Variants in SCML2 observed in about 807,000 individuals in gnomAD.
The protein encoded by SCML2 is sex comb on midleg-like protein 2.
SCML2 carries 6 observed loss-of-function variants against 48.4 expected under a neutral mutation model. The observed-to-expected ratio is 0.12, with a 90% CI of 0.07 to 0.24. SCML2 has a LOEUF of 0.24. SCML2 is among the 10% of genes least tolerant of loss of function. The pLI is 1.00. For synonymous variants in SCML2, 181 were observed against 189.5 expected (o/e 0.95, Z 0.37); for missense variants, 377 against 528.2 (o/e 0.71, Z 2.81).
intron 7 of SCML2, among the ~76,000 whole-genome samples, chrX:18,266,882 C>G (rs1226473922): frequency 8.9e-6 from 1 of 112,277 alleles, no homozygotes; most frequent in East Asian, 2.8e-4. Flanking sequence ...AGGACCACTT[C>G]ACTGCCAACA....
intron 6 of SCML2, among the ~76,000 whole-genome samples, chrX:18,311,791 G>GTTTTGTTTTTGT (rs111243177): frequency 4.5e-5 from 5 of 110,551 alleles, no homozygotes; most frequent in Non-Finnish European, 9.5e-5. Context: ...TTTTTTGTTT[G>GTTTTGTTTTTGT]TTTTGTTTTT....
At chrX:18,241,705 G>C (rs1402381312) in intron 14 of SCML2, among the ~76,000 whole-genome samples, 1 of 111,826 alleles carries the variant, frequency 8.9e-6, no homozygotes, top group Non-Finnish European at 1.9e-5. Context: ...TGGTAGAAAT[G>C]AATTTCAGAT....
intron 7 of SCML2, among the ~76,000 whole-genome samples, chrX:18,275,945 G>A (rs1182871414): frequency 1.8e-5 from 2 of 112,359 alleles, no homozygotes; most frequent in Admixed American, 9.4e-5. Flanking sequence ...CAAGGATGTG[G>A]AGAAATCAGG....
chrX:18,316,346 G>A (rs1929121278), intron 6 of SCML2, among the ~76,000 whole-genome samples: 1 of 111,828 alleles, frequency 8.9e-6, no homozygotes, highest in Non-Finnish European at 1.9e-5. Flanking sequence ...CTGAGGTCAC[G>A]CCACTGCACT....
intron 7 of SCML2, among the ~76,000 whole-genome samples, chrX:18,277,028 A>G (rs1056432852): frequency 1.8e-5 from 2 of 111,303 alleles, no homozygotes; most frequent in Non-Finnish European, 3.8e-5. Flanking sequence ...AAAAACAAAC[A>G]AAAAAACCAA....
At chrX:18,319,657 G>A (rs1380710966) in intron 6 of SCML2, among the ~76,000 whole-genome samples, 3 of 107,574 alleles carry the variant, frequency 2.8e-5, no homozygotes, top group Admixed American at 1.0e-4. Flanking sequence ...TCTAGCCTCC[G>A]CAACTGTGAG....
At chrX:18,265,512 C>T in intron 8 of SCML2, 73 bp downstream of exon 8, 1 of 828,807 alleles carries the variant, frequency 1.2e-6, no homozygotes, top group Non-Finnish European at 1.7e-6. Context: ...TTAGTAAATT[C>T]CTAAATTGTA....
intron 3 of SCML2, 78 bp downstream of exon 3, chrX:18,330,509 A>T (rs1929620577): frequency 1.8e-6 from 1 of 560,732 alleles, no homozygotes; most frequent in Non-Finnish European, 2.8e-6. Flanking sequence ...CAAAACAATA[A>T]GAAAATTTGC....
chrX:18,262,175 G>C (rs2147477895), intron 8 of SCML2, among the ~76,000 whole-genome samples: 1 of 107,940 alleles, frequency 9.3e-6, no homozygotes, highest in East Asian at 2.8e-4. Context: ...CAAGAGATCT[G>C]AAAAGATTCT....
intron 11 of SCML2, among the ~76,000 whole-genome samples, chrX:18,255,165 C>A: frequency 8.9e-6 from 1 of 111,888 alleles, no homozygotes; most frequent in African/African-American, 3.2e-5. Flanking sequence ...TCTTCCTCTT[C>A]CCCCTAGTTC....
intron 2 of SCML2, among the ~76,000 whole-genome samples, chrX:18,332,202 A>G (rs182737896): frequency 1.0e-3 from 113 of 112,781 alleles, no homozygotes; most frequent in Non-Finnish European, 1.9e-3. Flanking sequence ...GATCACATAG[A>G]GAAATCACAA....
chrX:18,247,532 T>C (rs769587488), intron 12 of SCML2, among the ~76,000 whole-genome samples: 14 of 112,070 alleles, frequency 1.2e-4, no homozygotes, highest in Non-Finnish European at 2.4e-4. Flanking sequence ...TTTTTAGCAA[T>C]ACAAAAGTGA....
intron 7 of SCML2, among the ~76,000 whole-genome samples, chrX:18,274,756 CT>C (rs1927573435): frequency 9.0e-6 from 1 of 111,659 alleles, no homozygotes; most frequent in African/African-American, 3.3e-5. Context: ...GGACTTCCCC[CT>C]AGGATAGGGC....
intron 7 of SCML2, among the ~76,000 whole-genome samples, chrX:18,298,185 C>T (rs1928459380): frequency 8.9e-6 from 1 of 111,775 alleles, no homozygotes; most frequent in African/African-American, 3.3e-5. Context: ...TTAAAATGAA[C>T]ACACTACCCA....
intron 13 of SCML2, among the ~76,000 whole-genome samples, chrX:18,246,015 A>G (rs915855690): frequency 5.3e-5 from 6 of 112,523 alleles, no homozygotes; most frequent in African/African-American, 1.9e-4. Context: ...CTAGGATTAC[A>G]GGTGTGAGCC....
At position 18,334,129 on chromosome X, in the gene SCML2, T is replaced by C. The variant is rs750694064; in HGVS notation, c.-24-34A>G. Reference sequence around the variant, plus strand: ...AGAAAAACCAATTAATGCCTCCTTTTAGCATATTAGATTTCTGAAGGATAA... The same window carrying C: ...AGAAAAACCAATTAATGCCTCCTTTCAGCATATTAGATTTCTGAAGGATAA... On this transcript the variant is annotated intron_variant, in intron 1 of 14. Coordinates refer to ENST00000251900, the MANE Select transcript of SCML2 (RefSeq NM_006089.3). The C allele has an allele frequency of 6.1e-6, 6 of 982,882 alleles. No homozygotes were observed. The East Asian group carries it at 9.4e-5, about 15-fold the overall frequency. The allele number at this position is 982,882 out of a possible 1,213,427, so 81.0% of individuals were successfully genotyped here.
At chrX:18,340,905 T>C (rs1465075624) in intron 1 of SCML2, among the ~76,000 whole-genome samples, 1 of 111,462 alleles carries the variant, frequency 9.0e-6, no homozygotes, top group African/African-American at 3.3e-5. Flanking sequence ...AATTTTTAAG[T>C]TCATAACTAT....
intron 1 of SCML2, among the ~76,000 whole-genome samples, chrX:18,354,275 G>A (rs1160350698): frequency 2.7e-5 from 3 of 113,104 alleles, no homozygotes; most frequent in Non-Finnish European, 5.6e-5. Context: ...TGCGCCGGAG[G>A]GCGCTGTCGG....
chrX:18,290,713 TAATA>T (rs1928205270), intron 7 of SCML2, among the ~76,000 whole-genome samples: 1 of 111,590 alleles, frequency 9.0e-6, no homozygotes, highest in Non-Finnish European at 1.9e-5. Context: ...TTTATTATGT[TAATA>T]AATAAAATTA....
Sources: gnomAD v4.1 joint callset for allele counts (sites outside exome capture counted in the v4.1 genomes callset) on GRCh38, gnomAD v4.1.1 for gene constraint, MANE v1.5 for transcripts, NCBI Gene and HGNC (gene_info 2026-07-23, HGNC 2026-07-21) for gene names.